The following ACOXL variants were observed in gnomAD, a reference collection of about 807,000 sequenced individuals.
The protein encoded by ACOXL is acyl-coenzyme A oxidase-like protein.
ACOXL carries 70 observed loss-of-function variants against 71.9 expected under a neutral mutation model. The observed-to-expected ratio is 0.97, with a 90% CI of 0.80 to 1.19. ACOXL has a LOEUF of 1.19. Among genes scored for constraint, ACOXL ranks in the 50% most tolerant of loss-of-function variants. The pLI is 0.00. For synonymous variants in ACOXL, 253 were observed against 281.6 expected (o/e 0.90, Z 1.02); for missense variants, 703 against 736.3 (o/e 0.95, Z 0.52).
At chr2:110,984,783 T>C (rs1467569464) in intron 12 of ACOXL, among the ~76,000 whole-genome samples, 1 of 152,130 alleles carries the variant, frequency 6.6e-6, no homozygotes, top group African/African-American at 2.4e-5. Context: ...TTGGATGAGA[T>C]AGGGAGAACA....
At chr2:111,101,965 A>C (rs2069193347) in intron 17 of ACOXL, 1 of 152,674 alleles carries the variant, frequency 6.5e-6, no homozygotes, top group Non-Finnish European at 1.5e-5. Context: ...AACTGGTTTT[A>C]ACCTAGCTTC....
intron 16 of ACOXL, among the ~76,000 whole-genome samples, chr2:111,078,716 AT>A (rs2067736288): frequency 1.3e-5 from 2 of 152,192 alleles, no homozygotes; most frequent in South Asian, 4.1e-4. Context: ...GCATCCGTTG[AT>A]TGACCTTTTT....
chr2:110,911,149 G>C (rs773297247), intron 11 of ACOXL, among the ~76,000 whole-genome samples: 3 of 152,036 alleles, frequency 2.0e-5, no homozygotes, highest in Non-Finnish European at 4.4e-5. Context: ...TGAAGTCCTA[G>C]AAGGAAACAA....
chr2:110,880,238 A>G (rs1288744490), intron 10 of ACOXL, among the ~76,000 whole-genome samples: 1 of 152,062 alleles, frequency 6.6e-6, no homozygotes, highest in Non-Finnish European at 1.5e-5. Flanking sequence ...ACATAGACAT[A>G]GAGTGAAGAG....
rs547663557 is a variant in ACOXL at position 110,979,043 on chromosome 2, C to T, written c.1060-8065C>T. ...ATGAGGGCGATTCCGGGGGTGAGTG[C>T]AGGGTAGAGGGAGGCCAGGGGAGGT... On this transcript the variant is annotated intron_variant, in intron 12 of 17. Coordinates refer to ENST00000439055, the MANE Select transcript of ACOXL (RefSeq NM_001142807.4). 1.5e-4 allele frequency among the ~76,000 whole-genome samples: 23 copies of T among 152,084 alleles called. No individual in the cohort carries two copies. The South Asian group carries it at 4.4e-3, about 29-fold the overall frequency.
chr2:110,971,300 T>C (rs2062174311), intron 12 of ACOXL, among the ~76,000 whole-genome samples: 1 of 152,246 alleles, frequency 6.6e-6, no homozygotes. Flanking sequence ...ATGGCTAAAA[T>C]GAATATTAAT....
At chr2:111,098,008 C>A (rs2068903880) in intron 17 of ACOXL, among the ~76,000 whole-genome samples, 1 of 152,024 alleles carries the variant, frequency 6.6e-6, no homozygotes, top group Admixed American at 6.5e-5. Flanking sequence ...AATGGAGAAA[C>A]CTGGTAGATC....
chr2:110,834,115 C>T (rs958971754), intron 9 of ACOXL, among the ~76,000 whole-genome samples: 4 of 152,136 alleles, frequency 2.6e-5, no homozygotes, highest in Non-Finnish European at 5.9e-5. Context: ...CCTCTTAGTC[C>T]TTTCATGGTT....
At chr2:110,958,721 G>T (rs529869944) in intron 12 of ACOXL, among the ~76,000 whole-genome samples, 1 of 152,224 alleles carries the variant, frequency 6.6e-6, no homozygotes, top group Non-Finnish European at 1.5e-5. Flanking sequence ...AGCATGAAAT[G>T]CAGGTGTGGC....
intron 2 of ACOXL, among the ~76,000 whole-genome samples, chr2:110,782,588 G>A (rs1184125611): frequency 6.6e-6 from 1 of 152,180 alleles, no homozygotes; most frequent in African/African-American, 2.4e-5. Context: ...ACAAGGGAAG[G>A]GAAGTAATTG....
chr2:111,006,314 T>G (rs946149540), intron 14 of ACOXL, among the ~76,000 whole-genome samples: 3 of 152,222 alleles, frequency 2.0e-5, no homozygotes, highest in African/African-American at 4.8e-5. Context: ...AGTGAGAGAT[T>G]AGGCTTAAAA....
intron 12 of ACOXL, among the ~76,000 whole-genome samples, chr2:110,935,230 T>C (rs2060618384): frequency 6.6e-6 from 1 of 152,078 alleles, no homozygotes; most frequent in African/African-American, 2.4e-5. Context: ...CCTGAGGGCT[T>C]GCGCAGAACC....
chr2:110,809,895 G>T (rs1288803502), intron 9 of ACOXL, among the ~76,000 whole-genome samples: 1 of 152,194 alleles, frequency 6.6e-6, no homozygotes, highest in Non-Finnish European at 1.5e-5. Flanking sequence ...ACAGCAGGCT[G>T]CATGCTGCCA....
chr2:110,820,450 A>ACTT, intron 9 of ACOXL, among the ~76,000 whole-genome samples: 1 of 151,926 alleles, frequency 6.6e-6, no homozygotes, highest in African/African-American at 2.4e-5. Context: ...AGAGGAGGAG[A>ACTT]TACAGAGGAA....
chr2:111,002,842 G>A (rs928473098), intron 14 of ACOXL, among the ~76,000 whole-genome samples: 4 of 151,996 alleles, frequency 2.6e-5, no homozygotes, highest in African/African-American at 7.3e-5. Context: ...GAATATTTGC[G>A]TTATACTTGT....
chr2:110,789,696 C>G lies in ACOXL; in HGVS notation c.160-3954C>G, dbSNP rs572709275. Reference sequence around the variant, plus strand: ...TCCATCTCCAAATACCATCACACAGCGGGTAGGGCTTTAACATATGAATTT... The same window carrying G: ...TCCATCTCCAAATACCATCACACAGGGGGTAGGGCTTTAACATATGAATTT... On this transcript the variant is annotated intron_variant, in intron 3 of 17. Transcript: ENST00000439055. Among the ~76,000 whole-genome samples, 3 of 152,284 alleles carry G rather than the reference C, an allele frequency of 2.0e-5. No individual in the cohort carries two copies. The East Asian group carries it at 5.8e-4, about 29-fold the overall frequency.
At chr2:110,766,515 G>A (rs1681090312) in intron 1 of ACOXL, among the ~76,000 whole-genome samples, 1 of 152,150 alleles carries the variant, frequency 6.6e-6, no homozygotes, top group Non-Finnish European at 1.5e-5. Context: ...ATCAGGAAGG[G>A]GGAAGTTGAA....
intron 10 of ACOXL, among the ~76,000 whole-genome samples, chr2:110,886,031 T>A (rs961426594): frequency 1.3e-5 from 2 of 152,244 alleles, no homozygotes; most frequent in African/African-American, 2.4e-5. Flanking sequence ...TAAATAATTT[T>A]AAAAATTATT....
chr2:111,003,579 A>AAAAAAAAAAAAAT (rs1292631397), intron 14 of ACOXL, among the ~76,000 whole-genome samples: 1 of 146,772 alleles, frequency 6.8e-6, no homozygotes, highest in African/African-American at 2.6e-5. Flanking sequence ...AAAAAAAAAA[A>AAAAAAAAAAAAAT]GAATCACAGA....
Sources: allele counts gnomAD v4.1 joint callset (sites outside exome capture counted in the v4.1 genomes callset), GRCh38; gene constraint gnomAD v4.1.1; transcripts MANE v1.5; gene names NCBI Gene and HGNC (gene_info 2026-07-23, HGNC 2026-07-21).